The following NRXN1 variants were observed in gnomAD, a reference collection of about 807,000 sequenced individuals.
NRXN1 encodes neurexin-1.
NRXN1 carries 39 observed loss-of-function variants against 150.9 expected under a neutral mutation model. The ratio of observed to expected loss-of-function variants is 0.26; its 90% CI spans 0.20 to 0.34. The LOEUF (loss-of-function observed/expected upper bound fraction) is 0.34. Among genes scored for constraint, NRXN1 ranks in the 10% least tolerant of loss-of-function variants. The pLI is 1.00. For missense variants in NRXN1, 1,815 were observed against 1,949.9 expected (o/e 0.93, Z 1.30); for synonymous variants, 924 against 757.0 (o/e 1.22, Z -3.62).
At chr2:50,307,319 A>G (rs1448933958) in intron 17 of NRXN1, among the ~76,000 whole-genome samples, 1 of 152,110 alleles carries the variant, frequency 6.6e-6, no homozygotes, top group Non-Finnish European at 1.5e-5. Context: ...TCCTTATTAT[A>G]TATTTTGAAA....
intron 17 of NRXN1, among the ~76,000 whole-genome samples, chr2:50,447,232 G>A (rs1193881616): frequency 6.6e-6 from 1 of 151,914 alleles, no homozygotes; most frequent in African/African-American, 2.4e-5. Flanking sequence ...TCAGCACTTT[G>A]GGAGGCCAAG....
intron 5 of NRXN1, among the ~76,000 whole-genome samples, chr2:50,835,229 A>G (rs747261797): frequency 6.6e-6 from 1 of 152,102 alleles, no homozygotes; most frequent in Non-Finnish European, 1.5e-5. Context: ...TCCCAAAAAA[A>G]ATTTAAACTC....
At chr2:50,952,245 C>T (rs1320168287) in intron 2 of NRXN1, among the ~76,000 whole-genome samples, 2 of 151,904 alleles carry the variant, frequency 1.3e-5, no homozygotes, top group East Asian at 1.9e-4. Flanking sequence ...GGATTACAGG[C>T]GTGAGCCACG....
At chr2:50,505,234 C>CA (rs2092159640) in intron 13 of NRXN1, among the ~76,000 whole-genome samples, 1 of 151,850 alleles carries the variant, frequency 6.6e-6, no homozygotes, top group Admixed American at 6.6e-5. Context: ...ACACACAAAA[C>CA]AAAAAAATAA....
intron 17 of NRXN1, among the ~76,000 whole-genome samples, chr2:50,373,709 AAG>A (rs199898340): frequency 0.1 from 11,105 of 110,284 alleles, 750 homozygotes; most frequent in East Asian, 0.22. Context: ...GAAAGAAAGA[AAG>A]AGAAAGAAAG....
intron 17 of NRXN1, among the ~76,000 whole-genome samples, chr2:50,326,438 T>C (rs897658092): frequency 6.6e-6 from 1 of 152,336 alleles, no homozygotes; most frequent in East Asian, 1.9e-4. Context: ...TTCATAAGTA[T>C]TTTAATTTCT....
chr2:50,256,443 A>C (rs1373963966), intron 17 of NRXN1, among the ~76,000 whole-genome samples: 6 of 152,166 alleles, frequency 3.9e-5, no homozygotes, highest in African/African-American at 1.4e-4. Context: ...CTGAGGAGAA[A>C]GTAGGAAGGC....
intron 5 of NRXN1, among the ~76,000 whole-genome samples, chr2:50,812,295 T>A (rs1406575469): frequency 7.2e-5 from 11 of 152,166 alleles, no homozygotes; most frequent in African/African-American, 2.7e-4. Context: ...GGGAATTAAA[T>A]ATTTAAATAC....
At chr2:50,614,452 C>T (rs1016486050) in intron 8 of NRXN1, among the ~76,000 whole-genome samples, 4 of 151,828 alleles carry the variant, frequency 2.6e-5, no homozygotes, top group Non-Finnish European at 5.9e-5. Context: ...ATGACAGATA[C>T]TCTATTCCTC....
In NRXN1 at chr2:50,390,437, A is replaced by C. The variant is rs187953031; in HGVS notation, c.3364+75005T>G. Among the ~76,000 whole-genome samples, 579 of 152,280 alleles carry C rather than the reference A, an allele frequency of 3.8e-3. 2 individuals are homozygous for C. Among genetic ancestry groups the C allele is most frequent in the Non-Finnish European group, 6.6e-3 (451 of 68,010 alleles). ...AGGAACTTATTCCTGAGAGCAACTAATTTACACAGGCTAGTGTGGCTCACG... is the reference window on the plus strand; with the variant it reads ...AGGAACTTATTCCTGAGAGCAACTACTTTACACAGGCTAGTGTGGCTCACG... On this transcript the variant is annotated intron_variant, in intron 17 of 22. Coordinates refer to ENST00000401669, the MANE Select transcript of NRXN1 (RefSeq NM_001330078.2).
At chr2:50,620,618 C>T (rs1679838161) in intron 7 of NRXN1, among the ~76,000 whole-genome samples, 1 of 152,114 alleles carries the variant, frequency 6.6e-6, no homozygotes, top group African/African-American at 2.4e-5. Flanking sequence ...AAGCTATTTC[C>T]AGCAACATCA....
chr2:51,022,479 G>T (rs1329584273), intron 2 of NRXN1, among the ~76,000 whole-genome samples: 1 of 152,058 alleles, frequency 6.6e-6, no homozygotes, highest in Non-Finnish European at 1.5e-5. Context: ...GTGGCATTTT[G>T]GAATAGTAAC....
At chr2:50,334,209 A>ATATATGTATG (rs760530144) in intron 17 of NRXN1, among the ~76,000 whole-genome samples, 1 of 121,438 alleles carries the variant, frequency 8.2e-6, no homozygotes, top group African/African-American at 4.4e-5. Flanking sequence ...ATATATATAT[A>ATATATGTATG]TATGTATGTA....
chr2:50,452,064 G>A (rs948842214), intron 17 of NRXN1, among the ~76,000 whole-genome samples: 20 of 152,312 alleles, frequency 1.3e-4, no homozygotes, highest in Non-Finnish European at 2.4e-4. Flanking sequence ...GTTGATGTAA[G>A]TAGATATCTG....
intron 8 of NRXN1, among the ~76,000 whole-genome samples, chr2:50,558,992 GAA>G (rs903472094): frequency 6.6e-6 from 1 of 152,300 alleles, no homozygotes; most frequent in Non-Finnish European, 1.5e-5. Flanking sequence ...TGAGGCAGGA[GAA>G]GGGTGTGAAC....
intron 19 of NRXN1, among the ~76,000 whole-genome samples, chr2:50,063,547 GACACACACACAC>G (rs3046664): frequency 3.2e-4 from 44 of 137,596 alleles, no homozygotes; most frequent in Admixed American, 1.4e-3. Context: ...CACCTCAACA[GACACACACACAC>G]ACACACACAC....
intron 5 of NRXN1, among the ~76,000 whole-genome samples, chr2:50,707,670 G>C (rs1320341760): frequency 6.6e-6 from 1 of 152,046 alleles, no homozygotes; most frequent in Non-Finnish European, 1.5e-5. Context: ...CATTCTTCAG[G>C]ACTCTGACAG....
At chr2:50,280,402 C>A (rs1437771039) in intron 17 of NRXN1, among the ~76,000 whole-genome samples, 1 of 151,784 alleles carries the variant, frequency 6.6e-6, no homozygotes, top group African/African-American at 2.4e-5. Context: ...TGAAAATCTC[C>A]TGAGATTTTC....
chr2:50,501,400 A>AGTGTGTGTGTGTGTGT (rs368765670), intron 13 of NRXN1, among the ~76,000 whole-genome samples: 2,767 of 148,232 alleles, frequency 0.019, 48 homozygotes, highest in Admixed American at 0.053. Context: ...TGTGTGTGTG[A>AGTGTGTGTGTGTGTGT]GTGTGTGTGT....
Sources: allele counts gnomAD v4.1 joint callset (sites outside exome capture counted in the v4.1 genomes callset), GRCh38; gene constraint gnomAD v4.1.1; transcripts MANE v1.5; gene names NCBI Gene and HGNC (gene_info 2026-07-23, HGNC 2026-07-21).